Variants in ZFYVE28 observed in about 807,000 individuals in gnomAD.
The protein encoded by ZFYVE28 is zinc finger FYVE-type containing 28.
A neutral mutation model predicts 82.1 loss-of-function variants in ZFYVE28; 40 were observed. The ratio of observed to expected loss-of-function variants is 0.49; its 90% confidence interval spans 0.38 to 0.63. ZFYVE28 has a LOEUF of 0.63. Ranked by LOEUF, ZFYVE28 falls within the 30% of genes least tolerant of loss-of-function variation. The pLI, the probability that ZFYVE28 is intolerant of heterozygous loss-of-function variation, is 0.00. For synonymous variants in ZFYVE28, 612 were observed against 546.1 expected (o/e 1.12, Z -1.68); for missense variants, 1,321 against 1,242.1 (o/e 1.06, Z -0.96).
Position 2,335,856 on chromosome 4 carries a change from C to T in ZFYVE28, c.612-62G>A, listed in dbSNP as rs1721603763. On this transcript the variant is annotated intron_variant, in intron 5 of 12. Coordinates refer to ENST00000290974, the MANE Select transcript of ZFYVE28 (RefSeq NM_020972.3). The surrounding 1 kb of genome is among the most constrained non-coding windows in gnomAD (Gnocchi z 5.8). ...TGGCCCACCACAGCCACAGGTTGGACCCCAGCAGGGACAGGCAGTGCGCTC... is the reference window on the plus strand; with the variant it reads ...TGGCCCACCACAGCCACAGGTTGGATCCCAGCAGGGACAGGCAGTGCGCTC... 7.0e-7 allele frequency: 1 copy of T among 1,429,136 alleles called. No homozygotes were observed. Among genetic ancestry groups the T allele is most frequent in the Non-Finnish European group, 9.6e-7 (1 of 1,039,172 alleles). The allele number at this position is 1,429,136 out of a possible 1,614,324, so 88.5% of individuals were successfully genotyped here.
chr4:2,396,965 G>A (rs920013790), intron 1 of ZFYVE28, among the ~76,000 whole-genome samples: 2 of 152,208 alleles, frequency 1.3e-5, no homozygotes, highest in East Asian at 1.9e-4. Flanking sequence ...CTGCTGTGCC[G>A]AGAACAGCCG....
At chr4:2,318,938 T>C (rs1718636600) in intron 7 of ZFYVE28, 1 of 152,478 alleles carries the variant, frequency 6.6e-6, no homozygotes, top group Non-Finnish European at 1.5e-5. Context: ...CATTAATCCC[T>C]CGACAGCATT....
At chr4:2,344,032 C>T (rs924834040) in intron 2 of ZFYVE28, among the ~76,000 whole-genome samples, 2 of 152,172 alleles carry the variant, frequency 1.3e-5, no homozygotes, top group African/African-American at 4.8e-5. Context: ...GGACATCAGG[C>T]CACAAAGGAC....
chr4:2,298,958 A>C (rs1715074595), intron 8 of ZFYVE28, among the ~76,000 whole-genome samples: 1 of 152,234 alleles, frequency 6.6e-6, no homozygotes, highest in Non-Finnish European at 1.5e-5. Context: ...CGGCCCCACC[A>C]CAGAGGAGCA....
chr4:2,330,685 A>G (rs1720538809), intron 6 of ZFYVE28: 2 of 1,443,624 alleles, frequency 1.4e-6, no homozygotes, highest in Non-Finnish European at 1.8e-6. Context: ...AGCATGGCCA[A>G]GAGGACACTG....
chr4:2,284,691 C>T lies in ZFYVE28; in HGVS notation c.2052-10475G>A, dbSNP rs550566427. 6.6e-5 allele frequency among the ~76,000 whole-genome samples: 10 copies of T among 152,248 alleles called. No homozygotes were observed. In the South Asian group the frequency reaches 1.5e-3, roughly 22 times the overall value. On this transcript the variant is annotated intron_variant, in intron 8 of 12. Transcript: ENST00000290974. ...TCTTATGGTGCCTCACAAAGACCTC[C>T]GGGGGGCTGAGTCTGCAATGCACAA...
chr4:2,418,290 G>GT lies in ZFYVE28; in HGVS notation c.33dup (p.Pro12ThrfsTer57). On this transcript the variant is annotated frameshift_variant, in exon 1 of 13. Transcript: ENST00000290974. LOFTEE classifies it high-confidence loss of function. The surrounding 1 kb of genome is among the most constrained non-coding windows in gnomAD (Gnocchi z 4.6). ...GCCCGAGCGGGGCCGCTCACCTTGG[G>GT]TTTGTAGAGCCACTTTCGGAACCTG... 6.5e-7 allele frequency: 1 copy of GT among 1,537,218 alleles called. No individual in the cohort carries two copies. Among genetic ancestry groups the GT allele is most frequent in the Non-Finnish European group, 8.8e-7 (1 of 1,140,990 alleles).
At chr4:2,370,787 TC>T (rs1378092095) in intron 1 of ZFYVE28, among the ~76,000 whole-genome samples, 1 of 152,054 alleles carries the variant, frequency 6.6e-6, no homozygotes, top group Non-Finnish European at 1.5e-5. Context: ...GCACACCACA[TC>T]CCTCGCCGGC....
rs529628529 is a variant in ZFYVE28 at position 2,341,114 on chromosome 4, AGCCCCTGCTGCTGCCCAT to A, written c.318+346_318+363del. ...GCGTGGGGCTGCAGCACGGCTCCCC[AGCCCCTGCTGCTGCCCAT>A]GCTGCAGGGCCGGAGGGGAACACTT... is the stretch of plus-strand genomic sequence containing the variant. On this transcript the variant is annotated intron_variant, in intron 3 of 12. Coordinates refer to ENST00000290974, the MANE Select transcript of ZFYVE28 (RefSeq NM_020972.3). The surrounding 1 kb of genome is among the most constrained non-coding windows in gnomAD (Gnocchi z 4.5). 2.7e-4 allele frequency among the ~76,000 whole-genome samples: 41 copies of A among 152,230 alleles called. No individual in the cohort carries two copies. The South Asian group carries it at 3.9e-3, about 15-fold the overall frequency.
At chr4:2,288,337 T>A (rs1167839181) in intron 8 of ZFYVE28, among the ~76,000 whole-genome samples, 1 of 152,140 alleles carries the variant, frequency 6.6e-6, no homozygotes, top group Non-Finnish European at 1.5e-5. Flanking sequence ...CGGAACCTCA[T>A]CTCTAATGAG....
chr4:2,402,604 G>A (rs1029038202), intron 1 of ZFYVE28, among the ~76,000 whole-genome samples: 6 of 152,242 alleles, frequency 3.9e-5, no homozygotes, highest in African/African-American at 1.2e-4. Context: ...CAACACGGAA[G>A]CCACACAGCA....
rs542783731 is a variant in ZFYVE28 at position 2,293,473 on chromosome 4, G to A, written c.2051+10816C>T. ...GGAAGATTAATCTTCTAGAAGATCAGCCGGGTATGGTGGCTCAAGCCTGTA... is the reference window on the plus strand; with the variant it reads ...GGAAGATTAATCTTCTAGAAGATCAACCGGGTATGGTGGCTCAAGCCTGTA... On this transcript the variant is annotated intron_variant, in intron 8 of 12. Transcript: ENST00000290974. 9.2e-5 allele frequency among the ~76,000 whole-genome samples: 14 copies of A among 152,336 alleles called. No individual in the cohort carries two copies. The South Asian group carries it at 2.3e-3, about 25-fold the overall frequency.
intron 1 of ZFYVE28, among the ~76,000 whole-genome samples, chr4:2,403,360 G>A (rs1731404857): frequency 6.6e-6 from 1 of 152,270 alleles, no homozygotes; most frequent in South Asian, 2.1e-4. Flanking sequence ...TCCATTGAGA[G>A]AAAGATGCAG....
intron 8 of ZFYVE28, among the ~76,000 whole-genome samples, chr4:2,302,121 C>T (rs1441578272): frequency 1.3e-5 from 2 of 152,210 alleles, no homozygotes; most frequent in Non-Finnish European, 1.5e-5. Context: ...GCAGGAGGCC[C>T]TTCACCAAAT....
intron 1 of ZFYVE28, among the ~76,000 whole-genome samples, chr4:2,371,558 G>C (rs560996717): frequency 3.3e-5 from 5 of 152,254 alleles, no homozygotes; most frequent in Admixed American, 1.3e-4. Context: ...ACATATGGCA[G>C]GAAAAAGCCA....
intron 8 of ZFYVE28, among the ~76,000 whole-genome samples, chr4:2,288,596 T>C (rs1240991228): frequency 6.6e-6 from 1 of 152,198 alleles, no homozygotes; most frequent in African/African-American, 2.4e-5. Context: ...GGTTAGGCAG[T>C]GTGAGCTGAA....
At position 2,337,472 on chromosome 4, in the gene ZFYVE28, C is replaced by T; in HGVS notation, c.546G>A (p.Val182=). 1 of 1,609,536 alleles carries T rather than the reference C, an allele frequency of 6.2e-7. No homozygotes were observed. The highest frequency in any genetic ancestry group is 8.5e-7 in the Non-Finnish European group (1 of 1,177,728). The stretch of plus-strand genomic sequence containing the variant: ...GCACGTAGTACTCCCTGGGGGACTT[C>T]ACAGGCACCATGGCCGAGACGTAGC... ...ELSYVSAMVP[V]KSPREYYVQQ... Residue 182 remains valine (V), a synonymous_variant, in exon 5 of 13, where the codon GTG becomes GTA. Transcript: ENST00000290974.
chr4:2,273,962 G>A (rs916592433), intron 9 of ZFYVE28, 100 bp downstream of exon 9: 9 of 1,395,604 alleles, frequency 6.4e-6, no homozygotes, highest in South Asian at 2.6e-5. Flanking sequence ...CTGTTTACAG[G>A]AAAGTGAGGG....
At chr4:2,365,644 C>T (rs745716200) in intron 1 of ZFYVE28, among the ~76,000 whole-genome samples, 1 of 152,160 alleles carries the variant, frequency 6.6e-6, no homozygotes, top group Non-Finnish European at 1.5e-5. Context: ...ACAGCTCGCC[C>T]CACTCATGCT....
Sources: gnomAD v4.1 joint callset for allele counts (sites outside exome capture counted in the v4.1 genomes callset) on GRCh38, gnomAD v4.1.1 for gene constraint, Gnocchi (gnomAD v3.1) non-coding constraint, MANE v1.5 for transcripts, NCBI Gene and HGNC (gene_info 2026-07-23, HGNC 2026-07-21) for gene names.